HERC2: variants seen among roughly 807,000 people sequenced by gnomAD.
The protein encoded by HERC2 is E3 ubiquitin-protein ligase HERC2.
A neutral mutation model predicts 537.7 loss-of-function variants in HERC2; 102 were observed. The observed-to-expected ratio is 0.19, with a 90% CI of 0.16 to 0.22. The LOEUF (loss-of-function observed/expected upper bound fraction) is 0.22, where lower values mean the gene tolerates loss of function less well. Among genes scored for constraint, HERC2 ranks in the 10% least tolerant of loss-of-function variants. The probability of loss-of-function intolerance (pLI) is 1.00; values close to 1 mark genes in which losing one functional copy is unlikely to be tolerated. For missense variants in HERC2, 4,236 were observed against 6,198.2 expected (o/e 0.68, Z 10.63); for synonymous variants, 2,224 against 2,466.2 (o/e 0.90, Z 2.91).
chr15:28,224,291 C>T (rs1051568663), intron 35 of HERC2, among the ~76,000 whole-genome samples: 2 of 151,796 alleles, frequency 1.3e-5, no homozygotes, highest in South Asian at 4.2e-4. Flanking sequence ...GCTTTATCTC[C>T]GCTCACTGCA....
intron 79 of HERC2, 74 bp from the exon 80 acceptor site, chr15:28,132,904 T>G: frequency 1.8e-6 from 2 of 1,127,724 alleles, no homozygotes; most frequent in South Asian, 2.2e-5. Context: ...TAAATACCTC[T>G]CAATCTACAC....
rs111241258 is a variant in HERC2, at chr15:28,167,693, G to A, written c.10548C>T (p.Thr3516=). The change falls in exon 68 of 93, where the codon ACC becomes ACT. Residue 3516 remains threonine (T), a synonymous_variant. Coordinates refer to ENST00000261609, the MANE Select transcript of HERC2 (RefSeq NM_004667.6). ...ASIIAETMTK[T]KEDVESQNKA... is the part of the protein sequence containing the mutation. ...AAGAAGAACGCCTCTTCACCTCTTTGGTTTTGGTCATGGTTTCTGCAATGA... is the reference window on the plus strand; with the variant it reads ...AAGAAGAACGCCTCTTCACCTCTTTAGTTTTGGTCATGGTTTCTGCAATGA... 98 of 1,613,976 alleles carry A rather than the reference G, an allele frequency of 6.1e-5. No homozygotes were observed. Among genetic ancestry groups the A allele is most frequent in the Non-Finnish European group, 8.3e-5 (98 of 1,180,012 alleles).
chr15:28,272,945 T>A lies in HERC2; in HGVS notation c.860A>T (p.His287Leu), dbSNP rs1211958729. Reference sequence around the variant, plus strand: ...CTCCAGCAGGATGGCCAGGGCCAAGTGCTGGTCCTGCAGGGGGATGCTTCC... The same window carrying A: ...CTCCAGCAGGATGGCCAGGGCCAAGAGCTGGTCCTGCAGGGGGATGCTTCC... ...GPGSIPLQDQ[H>L]LALAILLELA... The change falls in exon 8 of 93, where the codon CAC (histidine) becomes CTC (leucine). Residue 287 changes from histidine (H) to leucine (L), a missense_variant. Physicochemically the swap from His to Leu is moderately conservative, Grantham distance 99 (BLOSUM62 -3). Coordinates refer to ENST00000261609, the MANE Select transcript of HERC2 (RefSeq NM_004667.6). 3 of 1,612,272 alleles carry A rather than the reference T, an allele frequency of 1.9e-6. No individual in the cohort carries two copies. Among genetic ancestry groups the A allele is most frequent in the Non-Finnish European group, 2.5e-6 (3 of 1,180,016 alleles).
rs2075618245 is a variant in HERC2, at chr15:28,268,091, A to C, written c.1598+374T>G. ...GCTGACTTTTGTTCCTGTAAAAATA[A>C]TATATGGTTCAAGAAAAGGGTGACA... On this transcript the variant is annotated intron_variant, in intron 12 of 92. Transcript: ENST00000261609. The surrounding 1 kb of genome is among the most constrained non-coding windows in gnomAD (Gnocchi z 4.7). Among the ~76,000 whole-genome samples, 1 of 152,206 alleles carries C rather than the reference A, an allele frequency of 6.6e-6. No individual in the cohort carries two copies. Among genetic ancestry groups the C allele is most frequent in the Admixed American group, 6.5e-5 (1 of 15,284 alleles).
intron 10 of HERC2, among the ~76,000 whole-genome samples, chr15:28,270,002 C>A (rs1295906467): frequency 5.9e-5 from 9 of 152,198 alleles, no homozygotes; most frequent in Non-Finnish European, 1.0e-4. Flanking sequence ...ACGCTTGTTG[C>A]CCAGGCTGCA....
rs1895579766 is a variant in HERC2 at position 28,179,124 on chromosome 15, A to T, written c.9019+18T>A. On this transcript the variant is annotated intron_variant, in intron 58 of 92. Coordinates refer to ENST00000261609, the MANE Select transcript of HERC2 (RefSeq NM_004667.6). Reference sequence around the variant, plus strand: ...CCAAGCATAATTTAAAAATTTTTTAAGATTAGAATAATCATACCTGCAAAC... The same window carrying T: ...CCAAGCATAATTTAAAAATTTTTTATGATTAGAATAATCATACCTGCAAAC... The T allele has an allele frequency of 6.2e-7, 1 of 1,603,288 alleles. No homozygotes were observed. The highest frequency in any genetic ancestry group is 1.4e-5 in the African/African-American group (1 of 74,048).
intron 2 of HERC2, among the ~76,000 whole-genome samples, chr15:28,306,240 T>A (rs1207109163): frequency 1.3e-5 from 2 of 152,232 alleles, no homozygotes; most frequent in African/African-American, 4.8e-5. Context: ...TGAGGTGTGT[T>A]CCTTCTATAA....
chr15:28,316,183 A>ACTGTACTC (rs1480741193), intron 2 of HERC2: 2 of 189,368 alleles, frequency 1.1e-5, no homozygotes, highest in African/African-American at 4.9e-5. Context: ...AGATACTGCT[A>ACTGTACTC]CTGTACTCCA....
intron 55 of HERC2, chr15:28,190,575 A>C (rs1022567006): frequency 3.5e-5 from 7 of 199,744 alleles, no homozygotes; most frequent in Non-Finnish European, 4.1e-5. Flanking sequence ...TGATGCCAAC[A>C]GGTGTGACGA....
intron 2 of HERC2, among the ~76,000 whole-genome samples, chr15:28,310,836 G>C (rs1019219451): frequency 6.6e-6 from 1 of 152,104 alleles, no homozygotes; most frequent in African/African-American, 2.4e-5. Context: ...CCAGCACTTT[G>C]GGAGGCCGAA....
chr15:28,192,376 A>C (rs369859152), intron 52 of HERC2, among the ~76,000 whole-genome samples: 8 of 152,336 alleles, frequency 5.3e-5, no homozygotes, highest in African/African-American at 1.9e-4. Context: ...AAAACCTCCC[A>C]GGGAACAACA....
At chr15:28,271,443 C>T (rs1458571702) in intron 9 of HERC2, among the ~76,000 whole-genome samples, 3 of 152,200 alleles carry the variant, frequency 2.0e-5, no homozygotes, top group East Asian at 1.9e-4. Context: ...CAGGCGCAGG[C>T]GGATCACAAG....
chr15:28,231,627 G>A (rs1182508088), intron 30 of HERC2, among the ~76,000 whole-genome samples: 1 of 152,076 alleles, frequency 6.6e-6, no homozygotes, highest in African/African-American at 2.4e-5. Flanking sequence ...ACACCAAAGC[G>A]TGTGCCTAGT....
At chr15:28,198,309 A>G (rs1363962069) in intron 50 of HERC2, 69 bp downstream of exon 50, 4 of 1,508,490 alleles carry the variant, frequency 2.7e-6, no homozygotes, top group Non-Finnish European at 3.6e-6. Flanking sequence ...TTGAACAAAA[A>G]GAAATACTAA....
At chr15:28,192,982 G>A (rs983929159) in intron 52 of HERC2, among the ~76,000 whole-genome samples, 15 of 151,760 alleles carry the variant, frequency 9.9e-5, no homozygotes, top group Non-Finnish European at 2.1e-4. Flanking sequence ...CTCAATCAAT[G>A]AATGCTGATT....
intron 69 of HERC2, among the ~76,000 whole-genome samples, chr15:28,154,958 T>C (rs1892840747): frequency 7.4e-6 from 1 of 135,012 alleles, no homozygotes; most frequent in Non-Finnish European, 1.5e-5. Flanking sequence ...ATGTTCCCCT[T>C]CCTGTGTCCA....
chr15:28,121,462 C>G (rs770996567), intron 85 of HERC2, 33 bp from the exon 86 acceptor site: 2 of 1,524,478 alleles, frequency 1.3e-6, no homozygotes, highest in South Asian at 1.1e-5. Flanking sequence ...AATTTAGAAT[C>G]TGATATGGAA....
intron 23 of HERC2, among the ~76,000 whole-genome samples, chr15:28,239,615 G>T (rs1489798064): frequency 6.9e-6 from 1 of 145,872 alleles, no homozygotes; most frequent in African/African-American, 2.6e-5. Flanking sequence ...GAGCATTACA[G>T]GCCTCCTGAG....
At chr15:28,140,999 AGGCCGAGGTG>A (rs1418435199) in intron 78 of HERC2, among the ~76,000 whole-genome samples, 1 of 151,488 alleles carries the variant, frequency 6.6e-6, no homozygotes, top group Non-Finnish European at 1.5e-5. Flanking sequence ...GCACTTTGGA[AGGCCGAGGTG>A]GGTGGATCAC....
Sources: allele counts gnomAD v4.1 joint callset (sites outside exome capture counted in the v4.1 genomes callset), GRCh38; gene constraint gnomAD v4.1.1; non-coding constraint Gnocchi (gnomAD v3.1); transcripts MANE v1.5; gene names NCBI Gene and HGNC (gene_info 2026-07-23, HGNC 2026-07-21).